Variants in PLCB4 observed in about 807,000 individuals in gnomAD.
PLCB4 encodes the protein 1-phosphatidylinositol 4,5-bisphosphate phosphodiesterase beta-4.
Under a neutral mutation model 178.8 loss-of-function variants are expected in PLCB4, and 77 were observed. The observed-to-expected ratio is 0.43, with a 90% CI of 0.36 to 0.52. The LOEUF (loss-of-function observed/expected upper bound fraction) is 0.52. Among genes scored for constraint, PLCB4 ranks in the 20% least tolerant of loss-of-function variants. PLCB4 has a pLI of 0.00. For synonymous variants in PLCB4, 496 were observed against 490.8 expected, an observed-to-expected ratio of 1.01 and a Z score of -0.14; for missense variants, 1,024 against 1,453.4, an observed-to-expected ratio of 0.70 and a Z score of 4.80.
At chr20:9,091,930 C>T (rs1008025514) in intron 1 of PLCB4, among the ~76,000 whole-genome samples, 1 of 152,038 alleles carries the variant, frequency 6.6e-6, no homozygotes, top group Non-Finnish European at 1.5e-5. Context: ...ATACTTGTTA[C>T]TGGCTTGCTT....
rs557815332 is a variant in PLCB4 at position 9,247,187 on chromosome 20, AC to A, written c.-16+29736del. On this transcript the variant is annotated intron_variant, in intron 3 of 39. Transcript: ENST00000378473. ...TTGCCAATGCCCATAATTGAAGAAA[AC>A]TCTGCATTTTAATGAGAGGTAGTAT... 2.9e-3 allele frequency among the ~76,000 whole-genome samples: 445 copies of A among 152,086 alleles called. 2 individuals are homozygous for A. Among genetic ancestry groups the A allele is most frequent in the African/African-American group, 0.01 (433 of 41,494 alleles).
chr20:9,415,952 C>T (rs1671646606), intron 25 of PLCB4, among the ~76,000 whole-genome samples: 1 of 152,324 alleles, frequency 6.6e-6, no homozygotes, highest in African/African-American at 2.4e-5. Context: ...GCTGCTCTCT[C>T]AGACCGCCTT....
chr20:9,233,531 A>T (rs200818451), intron 3 of PLCB4, among the ~76,000 whole-genome samples: 2 of 152,252 alleles, frequency 1.3e-5, no homozygotes, highest in Middle Eastern at 3.4e-3. Context: ...CTATGGTAGG[A>T]TAGGTGATTC....
At chr20:9,126,350 T>C (rs1271955232) in intron 2 of PLCB4, among the ~76,000 whole-genome samples, 1 of 152,172 alleles carries the variant, frequency 6.6e-6, no homozygotes, top group African/African-American at 2.4e-5. Context: ...CAAAGAATGA[T>C]CATGTGAAGG....
chr20:9,069,720 C>T (rs962941881), intron 1 of PLCB4, among the ~76,000 whole-genome samples: 3 of 152,114 alleles, frequency 2.0e-5, no homozygotes, highest in Admixed American at 6.5e-5. Context: ...TTGCTTTAAC[C>T]AATTAGACTC....
intron 2 of PLCB4, among the ~76,000 whole-genome samples, chr20:9,158,432 ATT>A (rs371785974): frequency 0.022 from 3,055 of 140,122 alleles, 55 homozygotes; most frequent in African/African-American, 0.034. Flanking sequence ...CACCTGGCTA[ATT>A]TTTTTTTTTT....
chr20:9,175,544 A>G (rs2093140443), intron 2 of PLCB4, among the ~76,000 whole-genome samples: 1 of 152,172 alleles, frequency 6.6e-6, no homozygotes, highest in South Asian at 2.1e-4. Context: ...TTAAAGCCCA[A>G]GTTGTGCCAA....
In PLCB4 at chr20:9,459,258, C is replaced by T. The variant is rs189103423; in HGVS notation, c.3073-377C>T. Among the ~76,000 whole-genome samples the T allele has an allele frequency of 1.9e-3, 295 of 152,190 alleles. 1 individual carries two copies. The highest frequency in any genetic ancestry group is 6.8e-3 in the African/African-American group (281 of 41,502). ...ACTTGGGAAGCTGAGGCAGGAGAAT[C>T]GCTTGAACCCAGGAGGTGGAGGTTG... On this transcript the variant is annotated intron_variant, in intron 34 of 39. Coordinates refer to ENST00000378473, the MANE Select transcript of PLCB4 (RefSeq NM_001377142.1).
intron 39 of PLCB4, among the ~76,000 whole-genome samples, chr20:9,477,322 T>A (rs2044613019): frequency 6.6e-6 from 1 of 152,178 alleles, no homozygotes; most frequent in Non-Finnish European, 1.5e-5. Context: ...GCAGCTCTGT[T>A]TATAATATCT....
At chr20:9,262,592 C>A (rs932016156) in intron 3 of PLCB4, among the ~76,000 whole-genome samples, 2 of 152,154 alleles carry the variant, frequency 1.3e-5, no homozygotes, top group African/African-American at 4.8e-5. Context: ...CACTGTCTGG[C>A]ATTCCATGAG....
At position 9,393,700 on chromosome 20, in the gene PLCB4, A is replaced by C. The variant is rs189298341; in HGVS notation, c.1414+22A>C. Reference sequence around the variant, plus strand: ...AAAAGTAAGTGAAACACACACATTTATAATGGAAGCATACATAACATGTGT... The same window carrying C: ...AAAAGTAAGTGAAACACACACATTTCTAATGGAAGCATACATAACATGTGT... On this transcript the variant is annotated intron_variant, in intron 18 of 39. Coordinates refer to ENST00000378473, the MANE Select transcript of PLCB4 (RefSeq NM_001377142.1). 25 of 1,394,956 alleles carry C rather than the reference A, an allele frequency of 1.8e-5. No homozygotes were observed. The Admixed American group carries it at 3.7e-4, about 21-fold the overall frequency. The allele number at this position is 1,394,956 out of a possible 1,614,324, so 86.4% of individuals were successfully genotyped here.
intron 3 of PLCB4, among the ~76,000 whole-genome samples, chr20:9,274,358 A>G: frequency 6.6e-6 from 1 of 152,040 alleles, no homozygotes. Flanking sequence ...AAAAATTGCA[A>G]TACCAATCCC....
Position 9,478,995 on chromosome 20 carries a change from C to G in PLCB4, c.3607C>G (p.Gln1203Glu). The G allele has an allele frequency of 6.2e-7, 1 of 1,612,400 alleles. No homozygotes were observed. Residue 1203 changes from glutamine (Q) to glutamate (E), a missense_variant, in exon 40 of 40, where the codon CAA becomes GAA. By Grantham distance (29) the Gln-to-Glu change is conservative. Around this residue, in one of 7 missense-constraint regions of PLCB4, gnomAD observed 264 missense variants for 283.2 expected, o/e 0.93. Coordinates refer to ENST00000378473, the MANE Select transcript of PLCB4 (RefSeq NM_001377142.1). ...PQTSNSSMKL[Q>E]NAN is the part of the protein sequence containing the mutation. The stretch of plus-strand genomic sequence containing the variant: ...GACCAGCAACAGTAGTATGAAACTC[C>G]AAAATGCAAACTGAAGCAGCAAACC...
At chr20:9,222,943 G>A (rs76108833) in intron 3 of PLCB4, among the ~76,000 whole-genome samples, 4,471 of 152,304 alleles carry the variant, frequency 0.029, 224 homozygotes, top group African/African-American at 0.1. Flanking sequence ...ATCTGTCCTT[G>A]AGGTGCTATT....
chr20:9,431,650 T>TTGTGTGTGTG (rs3037096), intron 28 of PLCB4, among the ~76,000 whole-genome samples: 46 of 144,264 alleles, frequency 3.2e-4, no homozygotes, highest in South Asian at 9.2e-4. Flanking sequence ...GTGTGTGTGT[T>TTGTGTGTGTG]TGTGTGTGTG....
At chr20:9,292,211 T>A (rs1445532741) in intron 3 of PLCB4, among the ~76,000 whole-genome samples, 1 of 152,162 alleles carries the variant, frequency 6.6e-6, no homozygotes, top group East Asian at 1.9e-4. Flanking sequence ...CAAGTGAAGA[T>A]AAAATAAAAA....
intron 4 of PLCB4, among the ~76,000 whole-genome samples, chr20:9,318,391 C>G (rs2094923965): frequency 6.6e-6 from 1 of 151,562 alleles, no homozygotes; most frequent in Non-Finnish European, 1.5e-5. Context: ...TTGGCAAGTC[C>G]AGGTGGGTCC....
rs1354392464 is a variant in PLCB4, at chr20:9,429,736, A to G, written c.2524+5784A>G. 2.0e-5 allele frequency among the ~76,000 whole-genome samples: 3 copies of G among 152,350 alleles called. No homozygotes were observed. In the East Asian group the frequency reaches 5.8e-4, roughly 29 times the overall value. On this transcript the variant is annotated intron_variant, in intron 28 of 39. Transcript: ENST00000378473. ...CTACCTATCCATATGTCTCACATAT[A>G]TATGCCTCTGGCCAGTGGAGAAACT...
At chr20:9,148,357 G>C (rs1244274121) in intron 2 of PLCB4, among the ~76,000 whole-genome samples, 1 of 152,106 alleles carries the variant, frequency 6.6e-6, no homozygotes, top group Non-Finnish European at 1.5e-5. Flanking sequence ...TGGAGGAAAT[G>C]AAATATAAAT....
Sources: allele counts gnomAD v4.1 joint callset (sites outside exome capture counted in the v4.1 genomes callset), GRCh38; gene constraint gnomAD v4.1.1; regional missense constraint gnomAD v4.1.1; transcripts MANE v1.5; gene names NCBI Gene and HGNC (gene_info 2026-07-23, HGNC 2026-07-21).